The following ZC2HC1B variants were observed in gnomAD, a reference collection of about 807,000 sequenced individuals.
The protein encoded by ZC2HC1B is zinc finger C2HC domain-containing protein 1B.
ZC2HC1B carries 36 observed loss-of-function variants against 31.0 expected under a neutral mutation model. That is an observed-to-expected ratio of 1.16 (90% CI 0.89 to 1.54). ZC2HC1B has a LOEUF of 1.54. ZC2HC1B is among the 40% of genes most tolerant of loss of function. ZC2HC1B has a pLI of 0.00. For missense variants in ZC2HC1B, 260 were observed against 268.6 expected (o/e 0.97, Z 0.22); for synonymous variants, 73 against 88.0 (o/e 0.83, Z 0.95).
rs1777654724 is a variant in ZC2HC1B, at chr6:143,895,408, ATG to A, written c.350-3143_350-3142del. Among the ~76,000 whole-genome samples the A allele has an allele frequency of 6.6e-6, 1 of 151,916 alleles. No homozygotes were observed. The highest frequency in any genetic ancestry group is 1.5e-5 in the Non-Finnish European group (1 of 67,980). ...GAACTCCTGACCTCAGGTAATGCAC[ATG>A]CCTCGGCCTCCCAAAGTGCTGGGAT... On this transcript the variant is annotated intron_variant, in intron 4 of 7. Coordinates refer to ENST00000237275, the MANE Select transcript of ZC2HC1B (RefSeq NM_001013623.3). The surrounding 1 kb of genome is among the most constrained non-coding windows in gnomAD (Gnocchi z 4.8).
intron 1 of ZC2HC1B, among the ~76,000 whole-genome samples, chr6:143,878,808 A>G (rs1475722655): frequency 1.3e-5 from 2 of 152,212 alleles, no homozygotes; most frequent in African/African-American, 4.8e-5. Context: ...CAGTGACTTT[A>G]TAGAACTTAA....
chr6:143,912,528 C>A (rs1777872262), intron 6 of ZC2HC1B, among the ~76,000 whole-genome samples: 1 of 152,148 alleles, frequency 6.6e-6, no homozygotes, highest in African/African-American at 2.4e-5. Context: ...TGCTGGGGGT[C>A]CACTCTAAAC....
intron 6 of ZC2HC1B, among the ~76,000 whole-genome samples, chr6:143,937,274 G>A (rs1188375829): frequency 6.6e-6 from 1 of 152,184 alleles, no homozygotes; most frequent in Admixed American, 6.5e-5. Flanking sequence ...GTCTTCTCAT[G>A]TGAGAGCTAG....
chr6:143,904,763 A>G (rs1582965654), intron 6 of ZC2HC1B, among the ~76,000 whole-genome samples: 1 of 152,258 alleles, frequency 6.6e-6, no homozygotes, highest in East Asian at 1.9e-4. Flanking sequence ...TCTTTGATCC[A>G]TTTTGAGTTA....
chr6:143,936,010 A>G (rs917737166), intron 6 of ZC2HC1B, among the ~76,000 whole-genome samples: 5 of 152,116 alleles, frequency 3.3e-5, no homozygotes, highest in Non-Finnish European at 7.4e-5. Flanking sequence ...GTTGTCTTTC[A>G]TCTAGATAGC....
At position 143,933,710 on chromosome 6, in the gene ZC2HC1B, G is replaced by A. The variant is rs1410356844; in HGVS notation, c.599-3939G>A. On this transcript the variant is annotated intron_variant, in intron 6 of 7. Transcript: ENST00000237275. This position sits in a 1 kb window ranked among gnomAD's most constrained non-coding sequence, Gnocchi z 6.4. ...ACCGTGCCAAGTTTATCTCTAGGCA[G>A]CCTGCAGCCTGGGACTCAGATCTAG... Among the ~76,000 whole-genome samples, 2 of 152,158 alleles carry A rather than the reference G, an allele frequency of 1.3e-5. No individual in the cohort carries two copies. The highest frequency in any genetic ancestry group is 2.9e-5 in the Non-Finnish European group (2 of 68,030).
At position 143,915,402 on chromosome 6, in the gene ZC2HC1B, G is replaced by A. The variant is rs1280237144; in HGVS notation, c.598+12250G>A. 1.2e-4 allele frequency among the ~76,000 whole-genome samples: 19 copies of A among 152,188 alleles called. No individual in the cohort carries two copies. The highest frequency in any genetic ancestry group is 3.9e-4 in the East Asian group (2 of 5,186). ...GCCCAGCCTTGGGTATGTCTTTTTC[G>A]GCAGCATGAAAACAGACGAATACAG... On this transcript the variant is annotated intron_variant, in intron 6 of 7. Transcript: ENST00000237275. The surrounding 1 kb of genome is among the most constrained non-coding windows in gnomAD (Gnocchi z 5.2).
At chr6:143,907,657 T>C (rs1261789883) in intron 6 of ZC2HC1B, among the ~76,000 whole-genome samples, 1 of 152,210 alleles carries the variant, frequency 6.6e-6, no homozygotes, top group Non-Finnish European at 1.5e-5. Flanking sequence ...TATAAGTTCC[T>C]TGTAGATGCT....
rs1326738498 is a variant in ZC2HC1B at position 143,871,977 on chromosome 6, G to A, written c.28+7410G>A. Among the ~76,000 whole-genome samples the A allele has an allele frequency of 6.6e-6, 1 of 152,156 alleles. No homozygotes were observed. Among genetic ancestry groups the A allele is most frequent in the East Asian group, 1.9e-4 (1 of 5,196 alleles). On this transcript the variant is annotated intron_variant, in intron 1 of 7. Coordinates refer to ENST00000237275, the MANE Select transcript of ZC2HC1B (RefSeq NM_001013623.3). The surrounding 1 kb of genome is among the most constrained non-coding windows in gnomAD (Gnocchi z 4.1). The stretch of plus-strand genomic sequence containing the variant: ...CCTCCATAAGCCCGTACGTTAACTG[G>A]AGGACCATAATGACGTTTTGGGTCC...
rs542373422 is a variant in ZC2HC1B, at chr6:143,933,754, C to T, written c.599-3895C>T. On this transcript the variant is annotated intron_variant, in intron 6 of 7. Coordinates refer to ENST00000237275, the MANE Select transcript of ZC2HC1B (RefSeq NM_001013623.3). The surrounding 1 kb of genome is among the most constrained non-coding windows in gnomAD (Gnocchi z 6.4). ...GATCTAGTCCCAGGCTCTAAGTTTC[C>T]CCACTGAGGAAGCAAGCACTGCTTT... Among the ~76,000 whole-genome samples the T allele has an allele frequency of 3.9e-5, 6 of 152,154 alleles. No homozygotes were observed. The highest frequency in any genetic ancestry group is 8.8e-5 in the Non-Finnish European group (6 of 68,030).
Position 143,922,759 on chromosome 6 carries a change from G to A in ZC2HC1B, c.599-14890G>A, listed in dbSNP as rs547058785. On this transcript the variant is annotated intron_variant, in intron 6 of 7. Transcript: ENST00000237275. This position sits in a 1 kb window ranked among gnomAD's most constrained non-coding sequence, Gnocchi z 5.0. ...ATGTTTTATTCATTCATCCATTAAT[G>A]AACATTTAGATTGATTTCATATGTT... is the stretch of plus-strand genomic sequence containing the variant. Among the ~76,000 whole-genome samples the A allele has an allele frequency of 6.6e-6, 1 of 151,742 alleles. No individual in the cohort carries two copies. Among genetic ancestry groups the A allele is most frequent in the South Asian group, 2.1e-4 (1 of 4,798 alleles).
At chr6:143,882,342 A>G (rs1411923773) in intron 1 of ZC2HC1B, among the ~76,000 whole-genome samples, 1 of 132,742 alleles carries the variant, frequency 7.5e-6, no homozygotes, top group East Asian at 2.1e-4. Context: ...TTTTATATAT[A>G]TATATATATA....
intron 1 of ZC2HC1B, chr6:143,881,684 CT>C (rs1777470790): frequency 6.6e-6 from 1 of 150,398 alleles, no homozygotes; most frequent in South Asian, 2.1e-4. Context: ...TCAAAAGGTT[CT>C]TTTAATGTTC....
In ZC2HC1B at chr6:143,903,722, G is replaced by T. The variant is rs566672633; in HGVS notation, c.598+570G>T. On this transcript the variant is annotated intron_variant, in intron 6 of 7. Transcript: ENST00000237275. This position sits in a 1 kb window ranked among gnomAD's most constrained non-coding sequence, Gnocchi z 4.3. ...AGTGGGTACCAAAACCTGAGATGTT[G>T]AAGTCCCTGATATAAAATGGCGTAG... Among the ~76,000 whole-genome samples the T allele has an allele frequency of 3.3e-5, 5 of 152,230 alleles. No homozygotes were observed. The South Asian group carries it at 1.0e-3, about 32-fold the overall frequency.
chr6:143,913,828 C>T lies in ZC2HC1B; in HGVS notation c.598+10676C>T, dbSNP rs1015135535. Among the ~76,000 whole-genome samples the T allele has an allele frequency of 3.9e-5, 6 of 152,146 alleles. No homozygotes were observed. Among genetic ancestry groups the T allele is most frequent in the East Asian group, 1.9e-4 (1 of 5,188 alleles). ...CCATGTCACTCCTGGTGGGCCATTG[C>T]GCCACCCTACTTTTCTTCATTCTCC... is the stretch of plus-strand genomic sequence containing the variant. On this transcript the variant is annotated intron_variant, in intron 6 of 7. Transcript: ENST00000237275. This position sits in a 1 kb window ranked among gnomAD's most constrained non-coding sequence, Gnocchi z 5.7.
At chr6:143,896,645 C>G (rs1162515147) in intron 4 of ZC2HC1B, among the ~76,000 whole-genome samples, 1 of 152,170 alleles carries the variant, frequency 6.6e-6, no homozygotes, top group Admixed American at 6.5e-5. Context: ...GTGCCAGGCC[C>G]TTATGTGGAT....
Position 143,924,147 on chromosome 6 carries a change from G to A in ZC2HC1B, c.599-13502G>A, listed in dbSNP as rs998348523. 3.3e-5 allele frequency among the ~76,000 whole-genome samples: 5 copies of A among 151,828 alleles called. No homozygotes were observed. The highest frequency in any genetic ancestry group is 9.7e-5 in the African/African-American group (4 of 41,350). On this transcript the variant is annotated intron_variant, in intron 6 of 7. Coordinates refer to ENST00000237275, the MANE Select transcript of ZC2HC1B (RefSeq NM_001013623.3). The surrounding 1 kb of genome is among the most constrained non-coding windows in gnomAD (Gnocchi z 5.2). Reference sequence around the variant, plus strand: ...TCATCAGTGTTTTGAAGTTTTCCTCGTAAGCGTCTTTCACTTTCTTGGTTT... The same window carrying A: ...TCATCAGTGTTTTGAAGTTTTCCTCATAAGCGTCTTTCACTTTCTTGGTTT...
rs1300440365 is a variant in ZC2HC1B, at chr6:143,903,727, C to A, written c.598+575C>A. The stretch of plus-strand genomic sequence containing the variant: ...GTACCAAAACCTGAGATGTTGAAGT[C>A]CCTGATATAAAATGGCGTAGAATTT... On this transcript the variant is annotated intron_variant, in intron 6 of 7. Coordinates refer to ENST00000237275, the MANE Select transcript of ZC2HC1B (RefSeq NM_001013623.3). This position sits in a 1 kb window ranked among gnomAD's most constrained non-coding sequence, Gnocchi z 4.3. Among the ~76,000 whole-genome samples the A allele has an allele frequency of 6.6e-6, 1 of 152,118 alleles. No individual in the cohort carries two copies. Among genetic ancestry groups the A allele is most frequent in the African/African-American group, 2.4e-5 (1 of 41,414 alleles).
At chr6:143,932,931 C>T (rs1024080149) in intron 6 of ZC2HC1B, among the ~76,000 whole-genome samples, 27 of 152,290 alleles carry the variant, frequency 1.8e-4, no homozygotes, top group Admixed American at 5.9e-4. Context: ...TCTAGCCACT[C>T]AGCAGGGCTA....
Sources: gnomAD v4.1 joint callset for allele counts (sites outside exome capture counted in the v4.1 genomes callset) on GRCh38, gnomAD v4.1.1 for gene constraint, Gnocchi (gnomAD v3.1) non-coding constraint, MANE v1.5 for transcripts, NCBI Gene and HGNC (gene_info 2026-07-23, HGNC 2026-07-21) for gene names.